Variants in DDX10 observed in about 807,000 individuals in gnomAD.
DDX10 encodes DEAD-box helicase 10, also known as probable ATP-dependent RNA helicase DDX10.
In DDX10, 74 loss-of-function variants were observed where a neutral mutation model predicts 104.3. The observed-to-expected ratio is 0.71, with a 90% CI of 0.59 to 0.86. The LOEUF is 0.86. Ranked by LOEUF, DDX10 falls within the 40% of genes least tolerant of loss-of-function variation. The pLI is 0.00. For missense variants in DDX10, 952 were observed against 1,040.0 expected (o/e 0.92, Z 1.16); for synonymous variants, 351 against 353.4 (o/e 0.99, Z 0.08).
chr11:108,813,592 A>G (rs1034737201), intron 13 of DDX10, among the ~76,000 whole-genome samples: 3 of 152,102 alleles, frequency 2.0e-5, no homozygotes, highest in Non-Finnish European at 4.4e-5. Context: ...TGAATTTGCC[A>G]GTTTTGTCTT....
intron 13 of DDX10, among the ~76,000 whole-genome samples, chr11:108,800,399 C>A (rs961400149): frequency 2.1e-5 from 3 of 141,982 alleles, no homozygotes; most frequent in African/African-American, 7.9e-5. Context: ...GAGCCGAGAT[C>A]GCGCCACTGC....
chr11:108,713,552 A>C (rs1290347498), intron 10 of DDX10, among the ~76,000 whole-genome samples: 1 of 152,028 alleles, frequency 6.6e-6, no homozygotes, highest in Non-Finnish European at 1.5e-5. Flanking sequence ...TCATCTGTGC[A>C]TGCTGCCTGT....
chr11:108,746,468 C>T (rs1176319470), intron 13 of DDX10, among the ~76,000 whole-genome samples: 1 of 151,688 alleles, frequency 6.6e-6, no homozygotes, highest in Non-Finnish European at 1.5e-5. Flanking sequence ...GGATTGTTTC[C>T]ATCTTTTTGG....
At chr11:108,696,377 A>G (rs1183639150) in intron 9 of DDX10, among the ~76,000 whole-genome samples, 1 of 152,092 alleles carries the variant, frequency 6.6e-6, no homozygotes, top group African/African-American at 2.4e-5. Context: ...GCGTTTCACC[A>G]TGTTGGCCAG....
At chr11:108,862,688 T>C (rs1862956790) in intron 16 of DDX10, among the ~76,000 whole-genome samples, 1 of 152,224 alleles carries the variant, frequency 6.6e-6, no homozygotes, top group Non-Finnish European at 1.5e-5. Context: ...AGCGTAGTCG[T>C]CATTCTGCTG....
intron 1 of DDX10, 30 bp from the exon 2 acceptor site, chr11:108,673,437 T>A (rs1228956181): frequency 1.4e-6 from 2 of 1,462,820 alleles, no homozygotes; most frequent in Non-Finnish European, 9.6e-7. Flanking sequence ...AACAAATGAG[T>A]TACCCTGATT....
intron 16 of DDX10, among the ~76,000 whole-genome samples, chr11:108,853,078 G>C (rs1862817320): frequency 6.6e-6 from 1 of 151,968 alleles, no homozygotes; most frequent in East Asian, 1.9e-4. Flanking sequence ...ATTTAATACT[G>C]AATATAAGCA....
At chr11:108,797,318 C>T (rs1861957347) in intron 13 of DDX10, among the ~76,000 whole-genome samples, 1 of 152,100 alleles carries the variant, frequency 6.6e-6, no homozygotes, top group South Asian at 2.1e-4. Context: ...AGGCGTGAGC[C>T]ACCGCGCCCA....
chr11:108,740,079 A>T (rs1244842559), intron 13 of DDX10, among the ~76,000 whole-genome samples: 1 of 150,946 alleles, frequency 6.6e-6, no homozygotes, highest in Admixed American at 6.6e-5. Flanking sequence ...AGATTATTTC[A>T]TCACCAGGTG....
intron 16 of DDX10, among the ~76,000 whole-genome samples, chr11:108,881,163 A>G (rs1453308448): frequency 6.6e-6 from 1 of 152,142 alleles, no homozygotes; most frequent in Non-Finnish European, 1.5e-5. Flanking sequence ...TCCTCTAGAA[A>G]CCTTTGTAAA....
In DDX10 at chr11:108,856,323, C is replaced by T. The variant is rs557339506; in HGVS notation, c.2304+4114C>T. On this transcript the variant is annotated intron_variant, in intron 16 of 17. Transcript: ENST00000322536. ...TACCCGTCTATAATCCCAGCATACT[C>T]GGGAGGGTGAGGCAGAAGAATCACT... Among the ~76,000 whole-genome samples the T allele has an allele frequency of 2.1e-4, 32 of 152,118 alleles. 1 individual carries two copies. The South Asian group carries it at 5.8e-3, about 28-fold the overall frequency.
intron 11 of DDX10, among the ~76,000 whole-genome samples, chr11:108,717,647 T>G (rs918802879): frequency 1.3e-5 from 2 of 152,218 alleles, no homozygotes; most frequent in African/African-American, 4.8e-5. Flanking sequence ...GATCTTAAAT[T>G]TTTTGCTAAC....
intron 9 of DDX10, among the ~76,000 whole-genome samples, chr11:108,705,293 A>G (rs1294644629): frequency 1.3e-5 from 2 of 152,144 alleles, no homozygotes; most frequent in Admixed American, 1.3e-4. Context: ...TTTAGATGCT[A>G]ATGACTTCCG....
chr11:108,906,904 G>GT (rs750681254), intron 16 of DDX10, among the ~76,000 whole-genome samples: 156 of 152,276 alleles, frequency 1.0e-3, no homozygotes, highest in Non-Finnish European at 1.8e-3. Context: ...AAGTCTTAAG[G>GT]TTAAAATGCT....
chr11:108,876,975 C>T (rs1215713379), intron 16 of DDX10, among the ~76,000 whole-genome samples: 1 of 152,076 alleles, frequency 6.6e-6, no homozygotes, highest in African/African-American at 2.4e-5. Context: ...GTGGTTAGTC[C>T]AGCTGACCTC....
chr11:108,805,879 AT>A (rs555961075), intron 13 of DDX10, among the ~76,000 whole-genome samples: 8 of 152,186 alleles, frequency 5.3e-5, no homozygotes, highest in African/African-American at 1.7e-4. Flanking sequence ...ATACTCAGAT[AT>A]TTTTTGAATG....
chr11:108,788,478 T>C (rs1861826190), intron 13 of DDX10, among the ~76,000 whole-genome samples: 1 of 152,194 alleles, frequency 6.6e-6, no homozygotes, highest in South Asian at 2.1e-4. Flanking sequence ...TTCTCCTGCC[T>C]CAGCCCCCTG....
intron 11 of DDX10, among the ~76,000 whole-genome samples, chr11:108,717,428 G>T (rs2094292939): frequency 6.6e-6 from 1 of 152,138 alleles, no homozygotes; most frequent in South Asian, 2.1e-4. Context: ...TCCTGCTTCA[G>T]CCTCCCGAGT....
At chr11:108,797,329 G>T (rs562955433) in intron 13 of DDX10, among the ~76,000 whole-genome samples, 1 of 152,260 alleles carries the variant, frequency 6.6e-6, no homozygotes, top group African/African-American at 2.4e-5. Flanking sequence ...ACCGCGCCCA[G>T]CCTAAACTTT....
Sources: allele counts gnomAD v4.1 joint callset (sites outside exome capture counted in the v4.1 genomes callset), GRCh38; gene constraint gnomAD v4.1.1; transcripts MANE v1.5; gene names NCBI Gene and HGNC (gene_info 2026-07-23, HGNC 2026-07-21).